RALGPS2: variants seen among roughly 807,000 people sequenced by gnomAD.
RALGPS2 encodes the protein Ral GEF with PH domain and SH3 binding motif 2.
A neutral mutation model predicts 86.8 loss-of-function variants in RALGPS2; 43 were observed. The observed-to-expected ratio is 0.50, with a 90% confidence interval of 0.39 to 0.64. RALGPS2 has a LOEUF of 0.64. Ranked by LOEUF, RALGPS2 falls within the 30% of genes least tolerant of loss-of-function variation. The probability of loss-of-function intolerance (pLI) is 0.00; values close to 1 mark genes in which losing one functional copy is unlikely to be tolerated. For synonymous variants in RALGPS2, 243 were observed against 231.3 expected, an observed-to-expected ratio of 1.05 and a Z score of -0.46; for missense variants, 536 against 694.6, an observed-to-expected ratio of 0.77 and a Z score of 2.57.
intron 19 of RALGPS2, among the ~76,000 whole-genome samples, chr1:178,910,729 A>G (rs1436493951): frequency 6.6e-6 from 1 of 151,916 alleles, no homozygotes; most frequent in Non-Finnish European, 1.5e-5. Context: ...CTGTTTTTTC[A>G]TTGTATCTCT....
Position 178,878,780 on chromosome 1 carries a change from G to A in RALGPS2, c.746-122G>A. 7.0e-6 allele frequency: 9 copies of A among 1,294,498 alleles called. No homozygotes were observed. In the South Asian group the frequency reaches 7.1e-5, roughly 10 times the overall value. 80.2% of individuals were successfully genotyped at this position (1,294,498 alleles called of 1,614,324 possible). ...AGTTTATCTCAGTAATGTCCTTCTA[G>A]AGTTAATTTAAATTTTGCTGCCATG... On this transcript the variant is annotated intron_variant, in intron 9 of 19. Coordinates refer to ENST00000367635, the MANE Select transcript of RALGPS2 (RefSeq NM_152663.5).
chr1:178,768,089 C>T (rs1321662442), intron 1 of RALGPS2, among the ~76,000 whole-genome samples: 1 of 152,146 alleles, frequency 6.6e-6, no homozygotes, highest in Non-Finnish European at 1.5e-5. Flanking sequence ...TCCTAGATTG[C>T]CTTAGAAGTT....
chr1:178,785,009 C>G (rs1463280078), intron 3 of RALGPS2, among the ~76,000 whole-genome samples: 3 of 152,010 alleles, frequency 2.0e-5, no homozygotes, highest in Non-Finnish European at 4.4e-5. Context: ...TAATGTTAAA[C>G]CATTCCTGCA....
intron 8 of RALGPS2, among the ~76,000 whole-genome samples, chr1:178,858,766 T>C (rs77442158): frequency 0.025 from 3,731 of 152,206 alleles, 149 homozygotes; most frequent in African/African-American, 0.085. Context: ...AATAGAACAG[T>C]GAGTTAAAAA....
intron 8 of RALGPS2, among the ~76,000 whole-genome samples, chr1:178,836,750 T>A (rs1656291056): frequency 6.6e-6 from 1 of 152,086 alleles, no homozygotes; most frequent in African/African-American, 2.4e-5. Context: ...TCTTGAGAGG[T>A]CTCAGTCCAC....
At chr1:178,745,779 T>C (rs1308065307) in intron 1 of RALGPS2, among the ~76,000 whole-genome samples, 1 of 151,974 alleles carries the variant, frequency 6.6e-6, no homozygotes, top group Non-Finnish European at 1.5e-5. Flanking sequence ...AATGATTTTT[T>C]ATCAAATTGA....
At chr1:178,846,533 T>A (rs1027501050) in intron 8 of RALGPS2, among the ~76,000 whole-genome samples, 4 of 152,182 alleles carry the variant, frequency 2.6e-5, no homozygotes, top group African/African-American at 9.7e-5. Flanking sequence ...CCTCACTCTT[T>A]TATATATTTA....
At chr1:178,894,557 T>G (rs942025682) in intron 16 of RALGPS2, among the ~76,000 whole-genome samples, 5 of 152,004 alleles carry the variant, frequency 3.3e-5, no homozygotes, top group Non-Finnish European at 5.9e-5. Context: ...AAGGGAAGAT[T>G]ATGTCCACAG....
At chr1:178,767,402 C>A (rs1652561129) in intron 1 of RALGPS2, among the ~76,000 whole-genome samples, 1 of 127,988 alleles carries the variant, frequency 7.8e-6, no homozygotes, top group African/African-American at 3.0e-5. Flanking sequence ...TTCTTGGATG[C>A]CCTTGGAGGT....
intron 10 of RALGPS2, among the ~76,000 whole-genome samples, chr1:178,882,162 T>C (rs1042843456): frequency 5.3e-5 from 8 of 152,244 alleles, no homozygotes; most frequent in African/African-American, 1.9e-4. Flanking sequence ...GCTTTTTATA[T>C]TGCTGTCAGT....
At chr1:178,748,057 C>T (rs1202759576) in intron 1 of RALGPS2, among the ~76,000 whole-genome samples, 2 of 152,224 alleles carry the variant, frequency 1.3e-5, no homozygotes, top group Non-Finnish European at 2.9e-5. Context: ...CAACGTCTCA[C>T]TTCTGTAATC....
intron 7 of RALGPS2, among the ~76,000 whole-genome samples, chr1:178,827,425 C>G (rs988955690): frequency 7.2e-6 from 1 of 139,652 alleles, no homozygotes; most frequent in Admixed American, 7.1e-5. Context: ...GACGGAGTCT[C>G]GCTCTGTCGC....
intron 8 of RALGPS2, among the ~76,000 whole-genome samples, chr1:178,876,234 A>G (rs547125049): frequency 4.6e-5 from 7 of 152,324 alleles, no homozygotes; most frequent in African/African-American, 1.7e-4. Context: ...AAAATAAGTA[A>G]TGAGATTTTG....
intron 1 of RALGPS2, among the ~76,000 whole-genome samples, chr1:178,730,940 C>T (rs1348221930): frequency 2.6e-5 from 4 of 152,134 alleles, no homozygotes; most frequent in Non-Finnish European, 4.4e-5. Context: ...TCAAGTGATT[C>T]GCCCACCTCA....
intron 17 of RALGPS2, among the ~76,000 whole-genome samples, chr1:178,898,093 T>C (rs1200628229): frequency 6.6e-6 from 1 of 152,020 alleles, no homozygotes; most frequent in Admixed American, 6.6e-5. Context: ...TCCACCTCAA[T>C]CTCTGGTTCA....
At chr1:178,892,146 A>G (rs1188386171) in intron 14 of RALGPS2, 84 bp from the exon 15 acceptor site, 1 of 1,141,408 alleles carries the variant, frequency 8.8e-7, no homozygotes, top group Non-Finnish European at 1.3e-6. Flanking sequence ...ACAAGAAGAA[A>G]CTATTATACT....
chr1:178,727,097 A>G (rs1021786448), intron 1 of RALGPS2, among the ~76,000 whole-genome samples: 2 of 152,268 alleles, frequency 1.3e-5, no homozygotes, highest in African/African-American at 4.8e-5. Flanking sequence ...CTAAATATCA[A>G]AATGTAAGGG....
chr1:178,759,588 A>C (rs1483600481), intron 1 of RALGPS2, among the ~76,000 whole-genome samples: 1 of 140,204 alleles, frequency 7.1e-6, no homozygotes, highest in Non-Finnish European at 1.5e-5. Flanking sequence ...GTGGTTCCAT[A>C]TAAATTTTAG....
rs568206341 is a variant in RALGPS2 at position 178,801,491 on chromosome 1, C to A, written c.214-6554C>A. Among the ~76,000 whole-genome samples, 25 of 151,954 alleles carry A rather than the reference C, an allele frequency of 1.6e-4. No individual in the cohort carries two copies. In the South Asian group the frequency reaches 5.0e-3, roughly 30 times the overall value. On this transcript the variant is annotated intron_variant, in intron 4 of 19. Transcript: ENST00000367635. ...TAATTTATCGTGATAAATAAGGAAG[C>A]CAGACAAAAGTATGGTGGATTGTGG... is the stretch of plus-strand genomic sequence containing the variant.
Sources: gnomAD v4.1 joint callset for allele counts (sites outside exome capture counted in the v4.1 genomes callset) on GRCh38, gnomAD v4.1.1 for gene constraint, MANE v1.5 for transcripts, NCBI Gene and HGNC (gene_info 2026-07-23, HGNC 2026-07-21) for gene names.